Variants in PRKN observed in about 807,000 individuals in gnomAD.
PRKN encodes E3 ubiquitin-protein ligase parkin.
PRKN carries 56 observed loss-of-function variants against 59.5 expected under a neutral mutation model. The observed-to-expected ratio is 0.94, with a 90% confidence interval of 0.76 to 1.18. The LOEUF (loss-of-function observed/expected upper bound fraction) is 1.18, where lower values mean the gene tolerates loss of function less well. Ranked by LOEUF, PRKN falls within the 50% of genes most tolerant of loss-of-function variation. The probability of loss-of-function intolerance (pLI) is 0.00; values close to 1 mark genes in which losing one functional copy is unlikely to be tolerated. For missense variants in PRKN, 657 were observed against 596.4 expected (o/e 1.10, Z -1.06); for synonymous variants, 250 against 222.1 (o/e 1.13, Z -1.12).
chr6:162,080,861 C>G (rs1320458263), intron 4 of PRKN, among the ~76,000 whole-genome samples: 3 of 152,110 alleles, frequency 2.0e-5, no homozygotes, highest in East Asian at 3.9e-4. Flanking sequence ...TCAGTCCTCT[C>G]AAACCCTGTG....
chr6:162,505,960 G>A (rs1453279664), intron 1 of PRKN, among the ~76,000 whole-genome samples: 4 of 152,168 alleles, frequency 2.6e-5, no homozygotes, highest in Non-Finnish European at 5.9e-5. Flanking sequence ...AGAGATGGGA[G>A]GCAGGGGCAA....
At chr6:161,481,461 G>A (rs1791393820) in intron 9 of PRKN, among the ~76,000 whole-genome samples, 1 of 152,032 alleles carries the variant, frequency 6.6e-6, no homozygotes, top group Non-Finnish European at 1.5e-5. Context: ...AAAATTAGCT[G>A]GGCATGGTGG....
At chr6:162,444,140 G>A (rs1185060989) in intron 1 of PRKN, among the ~76,000 whole-genome samples, 2 of 152,068 alleles carry the variant, frequency 1.3e-5, no homozygotes, top group East Asian at 1.9e-4. Flanking sequence ...TCTGCATGCC[G>A]TCTTCTCACT....
intron 1 of PRKN, among the ~76,000 whole-genome samples, chr6:162,451,597 C>A (rs1344059828): frequency 1.3e-5 from 2 of 151,454 alleles, no homozygotes; most frequent in Non-Finnish European, 2.9e-5. Flanking sequence ...GAGAGAGAAT[C>A]AAATAGAAAT....
intron 2 of PRKN, among the ~76,000 whole-genome samples, chr6:162,375,684 T>C (rs1053902651): frequency 6.6e-6 from 1 of 151,782 alleles, no homozygotes; most frequent in East Asian, 1.9e-4. Flanking sequence ...TACAAAATGG[T>C]TTTGAAAATT....
intron 1 of PRKN, among the ~76,000 whole-genome samples, chr6:162,508,233 G>A (rs1187373932): frequency 6.6e-6 from 1 of 152,066 alleles, no homozygotes; most frequent in African/African-American, 2.4e-5. Flanking sequence ...AGAACAGTAT[G>A]GGGGAAACTG....
At chr6:161,489,325 C>T (rs535128743) in intron 9 of PRKN, among the ~76,000 whole-genome samples, 5 of 151,902 alleles carry the variant, frequency 3.3e-5, no homozygotes, top group Non-Finnish European at 5.9e-5. Context: ...TTTGGGAGGC[C>T]GAGGTAGGTG....
chr6:162,399,751 C>T (rs1428294048), intron 2 of PRKN, among the ~76,000 whole-genome samples: 1 of 151,470 alleles, frequency 6.6e-6, no homozygotes, highest in African/African-American at 2.4e-5. Flanking sequence ...AATACAAGAG[C>T]TGGAGACATA....
intron 6 of PRKN, among the ~76,000 whole-genome samples, chr6:161,913,170 G>GC (rs1554247344): frequency 1.2e-5 from 1 of 86,626 alleles, no homozygotes; most frequent in Non-Finnish European, 2.2e-5. Context: ...TCCATCTCAG[G>GC]AAAAAAAAAA....
chr6:162,330,449 T>C (rs1369072454), intron 2 of PRKN, among the ~76,000 whole-genome samples: 1 of 152,200 alleles, frequency 6.6e-6, no homozygotes, highest in African/African-American at 2.4e-5. Flanking sequence ...CAGCTTCACC[T>C]TTGTTTCTGT....
intron 2 of PRKN, among the ~76,000 whole-genome samples, chr6:162,316,084 T>A (rs901824252): frequency 6.6e-6 from 1 of 151,992 alleles, no homozygotes; most frequent in Non-Finnish European, 1.5e-5. Flanking sequence ...GTCCTGGTGA[T>A]AGAAGTATTC....
At chr6:162,583,762 A>G (rs1414312888) in intron 1 of PRKN, among the ~76,000 whole-genome samples, 1 of 152,204 alleles carries the variant, frequency 6.6e-6, no homozygotes, top group Non-Finnish European at 1.5e-5. Flanking sequence ...AAATTACCAA[A>G]TAGCAAATGA....
In PRKN at chr6:161,688,522, C is replaced by T. The variant is rs552389988; in HGVS notation, c.871+97250G>A. 6.6e-5 allele frequency among the ~76,000 whole-genome samples: 10 copies of T among 152,344 alleles called. No homozygotes were observed. In the South Asian group the frequency reaches 2.1e-3, roughly 32 times the overall value. On this transcript the variant is annotated intron_variant, in intron 7 of 11. Coordinates refer to ENST00000366898, the MANE Select transcript of PRKN (RefSeq NM_004562.3). ...AACATAAATTTCATTCCTTTATGAA[C>T]TTCAAATTTGCTGCTACTAAAAACA...
chr6:162,494,929 G>A (rs1792989008), intron 1 of PRKN, among the ~76,000 whole-genome samples: 1 of 152,126 alleles, frequency 6.6e-6, no homozygotes, highest in Non-Finnish European at 1.5e-5. Context: ...TAGCTAACAA[G>A]TACTTAACCT....
intron 1 of PRKN, among the ~76,000 whole-genome samples, chr6:162,581,381 G>T (rs917230355): frequency 1.3e-5 from 2 of 152,338 alleles, no homozygotes; most frequent in African/African-American, 4.8e-5. Flanking sequence ...CAGTGTCATG[G>T]TCTAACAAGA....
chr6:162,365,707 T>C (rs186137319), intron 2 of PRKN, among the ~76,000 whole-genome samples: 182 of 152,278 alleles, frequency 1.2e-3, no homozygotes, highest in African/African-American at 4.2e-3. Flanking sequence ...CTAGAGCTCC[T>C]GTTCTACACA....
In PRKN at chr6:162,078,742, G is replaced by A. The variant is rs192534528; in HGVS notation, c.535-24568C>T. Among the ~76,000 whole-genome samples the A allele has an allele frequency of 2.6e-5, 4 of 152,076 alleles. No individual in the cohort carries two copies. The East Asian group carries it at 7.7e-4, about 29-fold the overall frequency. On this transcript the variant is annotated intron_variant, in intron 4 of 11. Coordinates refer to ENST00000366898, the MANE Select transcript of PRKN (RefSeq NM_004562.3). Reference sequence around the variant, plus strand: ...TAATGTATTGGGAATAAATGCGTGTGCCACAAACCATAAACTTGTAAAGGC... The same window carrying A: ...TAATGTATTGGGAATAAATGCGTGTACCACAAACCATAAACTTGTAAAGGC...
At chr6:162,554,363 C>T (rs766960610) in intron 1 of PRKN, among the ~76,000 whole-genome samples, 2 of 151,814 alleles carry the variant, frequency 1.3e-5, no homozygotes, top group South Asian at 2.1e-4. Context: ...ATTAGCCGGG[C>T]GTGGTGGTAA....
rs535611776 is a variant in PRKN, at chr6:161,895,247, G to A, written c.734+78055C>T. ...TAAAGCTTTGCTCCAGCTTCACTGAGCCAGGAAATTTCTCTCTTTTCCCCT... is the reference window on the plus strand; with the variant it reads ...TAAAGCTTTGCTCCAGCTTCACTGAACCAGGAAATTTCTCTCTTTTCCCCT... On this transcript the variant is annotated intron_variant, in intron 6 of 11. Coordinates refer to ENST00000366898, the MANE Select transcript of PRKN (RefSeq NM_004562.3). 1.0e-3 allele frequency among the ~76,000 whole-genome samples: 158 copies of A among 152,290 alleles called. 2 individuals carry two copies. The highest frequency in any genetic ancestry group is 2.2e-4 in the Non-Finnish European group (15 of 68,028).
Sources: gnomAD v4.1 joint callset for allele counts (sites outside exome capture counted in the v4.1 genomes callset) on GRCh38, gnomAD v4.1.1 for gene constraint, MANE v1.5 for transcripts, NCBI Gene and HGNC (gene_info 2026-07-23, HGNC 2026-07-21) for gene names.